The following ZNF503 variants were observed in gnomAD, a reference collection of about 807,000 sequenced individuals.
ZNF503 encodes zinc finger protein 503.
Under a neutral mutation model 34.4 loss-of-function variants are expected in ZNF503, and 15 were observed. The ratio of observed to expected loss-of-function variants is 0.44; its 90% CI spans 0.29 to 0.67. The LOEUF (loss-of-function observed/expected upper bound fraction) is 0.67. ZNF503 is among the 30% of genes least tolerant of loss of function. ZNF503 has a pLI of 0.13. For missense variants in ZNF503, 1,007 were observed against 926.8 expected, an observed-to-expected ratio of 1.09 and a Z score of -1.12; for synonymous variants, 580 against 456.8, an observed-to-expected ratio of 1.27 and a Z score of -3.44.
the ZNF503 span, among the ~76,000 whole-genome samples, chr10:75,324,718 A>G: frequency 2.6e-5 from 4 of 152,234 alleles, no homozygotes; most frequent in African/African-American, 7.2e-5. Flanking sequence ...TTTAAATTAC[A>G]TAATTCAGTG....
chr10:75,371,777 C>T, the ZNF503 span, among the ~76,000 whole-genome samples: 3 of 152,116 alleles, frequency 2.0e-5, no homozygotes, highest in Admixed American at 2.0e-4. Flanking sequence ...CTGAGCAGAC[C>T]AGGTAATTTC....
At chr10:75,367,503 A>C in the ZNF503 span, among the ~76,000 whole-genome samples, 1 of 152,156 alleles carries the variant, frequency 6.6e-6, no homozygotes. Flanking sequence ...GTCATTTTAC[A>C]TTGTTATTTC....
Position 75,399,517 on chromosome 10 carries a change from C to T in ZNF503, c.1173G>A (p.Gly391=). 1 of 1,581,848 alleles carries T rather than the reference C, an allele frequency of 6.3e-7. No homozygotes were observed. The highest frequency in any genetic ancestry group is 8.5e-7 in the Non-Finnish European group (1 of 1,171,202). The change falls in exon 2 of 2, where the codon GGG becomes GGA. Residue 391 remains glycine, a synonymous_variant. Coordinates refer to ENST00000372524, the MANE Select transcript of ZNF503 (RefSeq NM_032772.6). ...CGGCCGCGGCCGCCGCCAGCTGCGC[C>T]CCCACCAGGCTGCCCGGCTTGGTGG... ...LDPTKPGSLV[G]AQLAAAAAGS...
At chr10:75,281,839 C>G in the ZNF503 span, among the ~76,000 whole-genome samples, 1 of 152,224 alleles carries the variant, frequency 6.6e-6, no homozygotes, top group Non-Finnish European at 1.5e-5. Context: ...CCCCCTCCCC[C>G]TTAGGGGTGT....
the ZNF503 span, among the ~76,000 whole-genome samples, chr10:75,333,379 T>C: frequency 2.6e-5 from 1 of 37,918 alleles, no homozygotes; most frequent in African/African-American, 1.3e-4. Context: ...GCCCCTCACC[T>C]CCCGGACGGG....
chr10:75,309,253 T>C, the ZNF503 span, among the ~76,000 whole-genome samples: 1 of 152,190 alleles, frequency 6.6e-6, no homozygotes, highest in Non-Finnish European at 1.5e-5. Flanking sequence ...TTCAGAAAAT[T>C]TCGTAAACTT....
chr10:75,321,064 A>T, the ZNF503 span, among the ~76,000 whole-genome samples: 1 of 152,160 alleles, frequency 6.6e-6, no homozygotes, highest in Non-Finnish European at 1.5e-5. Context: ...CCATCCCCCT[A>T]GTGCCATTCT....
chr10:75,397,509 A>G (rs1290007266), downstream of ZNF503, among the ~76,000 whole-genome samples: 1 of 152,260 alleles, frequency 6.6e-6, no homozygotes, highest in Non-Finnish European at 1.5e-5. Flanking sequence ...AGGGAAATTT[A>G]ACAAAAACCC....
chr10:75,336,695 G>C, the ZNF503 span, among the ~76,000 whole-genome samples: 1 of 152,184 alleles, frequency 6.6e-6, no homozygotes, highest in East Asian at 1.9e-4. Flanking sequence ...TGTTGGCCAG[G>C]CTGGGATCTT....
chr10:75,374,274 C>A, the ZNF503 span, among the ~76,000 whole-genome samples: 1 of 152,138 alleles, frequency 6.6e-6, no homozygotes, highest in Non-Finnish European at 1.5e-5. Context: ...TGCCCTCTAC[C>A]CTGGGCCACA....
the ZNF503 span, among the ~76,000 whole-genome samples, chr10:75,283,578 A>G: frequency 6.6e-6 from 1 of 152,252 alleles, no homozygotes; most frequent in African/African-American, 2.4e-5. Context: ...GGGGAGACAG[A>G]GTGCAGGGAG....
chr10:75,400,989 T>C, intron 1 of ZNF503, 116 bp downstream of exon 1: 1 of 1,441,272 alleles, frequency 6.9e-7, no homozygotes, highest in Non-Finnish European at 9.4e-7. Context: ...TCTTCCCCCA[T>C]TCGGGAGCTG....
the ZNF503 span, among the ~76,000 whole-genome samples, chr10:75,379,853 G>T: frequency 2.0e-5 from 3 of 152,212 alleles, no homozygotes; most frequent in Non-Finnish European, 2.9e-5. Context: ...TTTTTGTCCT[G>T]TGATTCTTTG....
chr10:75,297,573 G>A, the ZNF503 span, among the ~76,000 whole-genome samples: 1 of 152,090 alleles, frequency 6.6e-6, no homozygotes, highest in South Asian at 2.1e-4. Context: ...TCTAGAAATG[G>A]GTATTACTGT....
the ZNF503 span, among the ~76,000 whole-genome samples, chr10:75,384,372 G>A: frequency 2.6e-5 from 4 of 151,752 alleles, no homozygotes; most frequent in East Asian, 3.9e-4. Flanking sequence ...ACACACACTC[G>A]TACACACTTT....
chr10:75,363,618 C>G, the ZNF503 span, among the ~76,000 whole-genome samples: 1 of 152,244 alleles, frequency 6.6e-6, no homozygotes, highest in Non-Finnish European at 1.5e-5. Flanking sequence ...GTGTACTCCA[C>G]AGCCCTAGGG....
the ZNF503 span, among the ~76,000 whole-genome samples, chr10:75,295,880 G>C: frequency 0.013 from 1,908 of 152,224 alleles, 42 homozygotes; most frequent in African/African-American, 0.044. The surrounding 1 kb of genome is among the most constrained non-coding windows in gnomAD (Gnocchi z 4.0). Context: ...ACATGGAAGG[G>C]GGGAGAGAGA....
the ZNF503 span, among the ~76,000 whole-genome samples, chr10:75,306,506 C>T: frequency 6.6e-6 from 1 of 152,094 alleles, no homozygotes; most frequent in African/African-American, 2.4e-5. Flanking sequence ...TATCTTTTTA[C>T]TTTGTTGATG....
At chr10:75,364,073 C>T in the ZNF503 span, among the ~76,000 whole-genome samples, 1 of 152,210 alleles carries the variant, frequency 6.6e-6, no homozygotes, top group Non-Finnish European at 1.5e-5. Context: ...TTTATTATAA[C>T]TGACTTTCCT....
Sources: allele counts gnomAD v4.1 joint callset (sites outside exome capture counted in the v4.1 genomes callset), GRCh38; gene constraint gnomAD v4.1.1; non-coding constraint Gnocchi (gnomAD v3.1); transcripts MANE v1.5; gene names NCBI Gene and HGNC (gene_info 2026-07-23, HGNC 2026-07-21).